The following TRPS1 variants were observed in gnomAD, a reference collection of about 807,000 sequenced individuals.
TRPS1 encodes zinc finger transcription factor Trps1.
In TRPS1, 6 loss-of-function variants were observed where a neutral mutation model predicts 101.2. That is an observed-to-expected ratio of 0.06 (90% CI 0.03 to 0.12). The LOEUF is 0.12. TRPS1 is among the 10% of genes least tolerant of loss of function. The pLI, the probability that TRPS1 is intolerant of heterozygous loss-of-function variation, is 1.00. For synonymous variants in TRPS1, 578 were observed against 589.8 expected, an observed-to-expected ratio of 0.98 and a Z score of 0.29; for missense variants, 1,363 against 1,567.0, an observed-to-expected ratio of 0.87 and a Z score of 2.20.
chr8:115,515,076 A>C, intron 5 of TRPS1: 1 of 582,082 alleles, frequency 1.7e-6, no homozygotes, highest in Non-Finnish European at 3.1e-6. Flanking sequence ...TTTGTTGAGG[A>C]CTCAAGAGAA....
intron 5 of TRPS1, among the ~76,000 whole-genome samples, chr8:115,487,459 A>T (rs2625673): frequency 0.45 from 67,632 of 151,938 alleles, 15,671 homozygotes; most frequent in African/African-American, 0.55. Flanking sequence ...TATAAGGCTG[A>T]AGCGGCCATA....
At chr8:115,550,848 C>T (rs193148744) in intron 5 of TRPS1, among the ~76,000 whole-genome samples, 15 of 152,314 alleles carry the variant, frequency 9.8e-5, no homozygotes, top group Admixed American at 8.5e-4. Context: ...GAGAATCAGT[C>T]CCTTCCATTG....
At chr8:115,637,367 G>A in intron 1 of TRPS1, 1 of 910,908 alleles carries the variant, frequency 1.1e-6, no homozygotes, top group Non-Finnish European at 1.3e-6. Context: ...AACTAGATGT[G>A]GTGTGACATG....
At position 115,462,625 on chromosome 8, in the gene TRPS1, C is replaced by T. The variant is rs1441464175; in HGVS notation, c.2701-44173G>A. On this transcript the variant is annotated intron_variant, in intron 5 of 6. Coordinates refer to ENST00000395715, the MANE Select transcript of TRPS1 (RefSeq NM_014112.5). ...AAGAGGTTTTTGTTGTTTTTCTTTT[C>T]TCTCTCTCTCTCTCTCTTTTTTTTT... Among the ~76,000 whole-genome samples the T allele has an allele frequency of 1.0e-4, 5 of 49,810 alleles. 1 individual carries two copies. In the South Asian group the frequency reaches 2.8e-3, roughly 28 times the overall value. The allele number at this position is 49,810 out of a possible 152,430, so 32.7% of individuals were successfully genotyped here.
At chr8:115,644,716 C>T (rs1224771876) in intron 1 of TRPS1, among the ~76,000 whole-genome samples, 3 of 152,198 alleles carry the variant, frequency 2.0e-5, no homozygotes, top group African/African-American at 7.2e-5. Flanking sequence ...GCCTTCCTCA[C>T]TAAGCATAAT....
rs537798257 is a variant in TRPS1 at position 115,576,573 on chromosome 8, G to C, written c.2700+10428C>G. Among the ~76,000 whole-genome samples, 73 of 152,174 alleles carry C rather than the reference G, an allele frequency of 4.8e-4. No homozygotes were observed. In the South Asian group the frequency reaches 0.015, roughly 31 times the overall value. ...TCACACGGCTAGTTAGTCACAAAGT[G>C]AATCTAGAACACAAAGTCTCCTTTC... On this transcript the variant is annotated intron_variant, in intron 5 of 6. Transcript: ENST00000395715.
chr8:115,550,140 G>A (rs377213772), intron 5 of TRPS1, among the ~76,000 whole-genome samples: 5 of 152,112 alleles, frequency 3.3e-5, no homozygotes, highest in African/African-American at 9.7e-5. Flanking sequence ...TTGCTTAACC[G>A]GGGGTGGAGG....
chr8:115,543,679 T>C (rs768011461), intron 5 of TRPS1, among the ~76,000 whole-genome samples: 38 of 152,154 alleles, frequency 2.5e-4, no homozygotes, highest in Non-Finnish European at 5.0e-4. Context: ...TTTCTTCTTT[T>C]TATGTACCAG....
intron 5 of TRPS1, among the ~76,000 whole-genome samples, chr8:115,508,871 G>T (rs1210227266): frequency 6.6e-6 from 1 of 151,742 alleles, no homozygotes; most frequent in African/African-American, 2.4e-5. Flanking sequence ...TTTCCCTGGG[G>T]GTACTTAAGA....
At chr8:115,660,291 T>C (rs1271778120) in intron 1 of TRPS1, among the ~76,000 whole-genome samples, 1 of 152,026 alleles carries the variant, frequency 6.6e-6, no homozygotes, top group Non-Finnish European at 1.5e-5. Flanking sequence ...GCTTTATACA[T>C]TCTGTCCAAA....
intron 5 of TRPS1, among the ~76,000 whole-genome samples, chr8:115,514,165 A>C (rs554236861): frequency 6.6e-6 from 1 of 151,656 alleles, no homozygotes; most frequent in Non-Finnish European, 1.5e-5. Flanking sequence ...TCTCTAAGAT[A>C]CTCTCTTGTT....
chr8:115,546,581 GACACACACACAC>G (rs71287285), intron 5 of TRPS1, among the ~76,000 whole-genome samples: 4 of 147,914 alleles, frequency 2.7e-5, no homozygotes, highest in Non-Finnish European at 6.0e-5. Flanking sequence ...TGTAAAATGT[GACACACACACAC>G]ACACACACAC....
chr8:115,493,856 G>A (rs921246889), intron 5 of TRPS1, among the ~76,000 whole-genome samples: 41 of 152,120 alleles, frequency 2.7e-4, no homozygotes, highest in East Asian at 1.2e-3. Flanking sequence ...AAATAGATGC[G>A]TACATTAGTT....
At chr8:115,590,175 G>A (rs529365681) in intron 4 of TRPS1, among the ~76,000 whole-genome samples, 14 of 151,994 alleles carry the variant, frequency 9.2e-5, no homozygotes, top group East Asian at 3.9e-4. Context: ...TTAATCTAAC[G>A]GGAGATAAAC....
intron 5 of TRPS1, among the ~76,000 whole-genome samples, chr8:115,478,119 C>T (rs1419325995): frequency 6.6e-6 from 1 of 152,144 alleles, no homozygotes; most frequent in Non-Finnish European, 1.5e-5. Context: ...ATTTAAAATT[C>T]TGATCTATAT....
intron 5 of TRPS1, among the ~76,000 whole-genome samples, chr8:115,560,174 T>C (rs1033544436): frequency 6.6e-6 from 1 of 152,102 alleles, no homozygotes; most frequent in East Asian, 1.9e-4. Context: ...TTCCCAAAGC[T>C]AGAAAGAGGA....
chr8:115,667,864 C>T lies in TRPS1; in HGVS notation c.-122+681G>A, dbSNP rs1296902522. On this transcript the variant is annotated intron_variant, in intron 1 of 6. Coordinates refer to ENST00000395715, the MANE Select transcript of TRPS1 (RefSeq NM_014112.5). ...GACCCTCCCGACCCTCCCGAGTTCG[C>T]CCAACTTACTACTCTGCATGCTGGT... The T allele has an allele frequency of 3.3e-6, 5 of 1,535,552 alleles. No homozygotes were observed. The East Asian group carries it at 1.2e-4, about 38-fold the overall frequency.
chr8:115,558,996 G>C (rs1011536363), intron 5 of TRPS1, among the ~76,000 whole-genome samples: 3 of 151,944 alleles, frequency 2.0e-5, no homozygotes, highest in African/African-American at 7.3e-5. Context: ...GCTGCCTTAG[G>C]GGCTCTTGAA....
At chr8:115,541,427 T>C (rs1816451057) in intron 5 of TRPS1, among the ~76,000 whole-genome samples, 1 of 152,190 alleles carries the variant, frequency 6.6e-6, no homozygotes. Flanking sequence ...GTGTAACCAA[T>C]TTTCACTGGT....
Sources: allele counts gnomAD v4.1 joint callset (sites outside exome capture counted in the v4.1 genomes callset), GRCh38; gene constraint gnomAD v4.1.1; transcripts MANE v1.5; gene names NCBI Gene and HGNC (gene_info 2026-07-23, HGNC 2026-07-21).